Variants in DNAH7 observed in about 807,000 individuals in gnomAD.
DNAH7 encodes the protein axonemal beta dynein heavy chain 7.
In DNAH7, 397 loss-of-function variants were observed where a neutral mutation model predicts 444.6. The ratio of observed to expected loss-of-function variants is 0.89; its 90% CI spans 0.82 to 0.97. DNAH7 has a LOEUF of 0.97. DNAH7 is among the 50% of genes least tolerant of loss of function. The pLI, the probability that DNAH7 is intolerant of heterozygous loss-of-function variation, is 0.00. For synonymous variants in DNAH7, 1,636 were observed against 1,624.4 expected (o/e 1.01, Z -0.17); for missense variants, 4,902 against 4,800.8 (o/e 1.02, Z -0.62).
intron 17 of DNAH7, among the ~76,000 whole-genome samples, chr2:195,963,688 TC>T (rs1429449282): frequency 5.3e-5 from 8 of 152,226 alleles, no homozygotes; most frequent in African/African-American, 1.7e-4. Flanking sequence ...TTTTGCCCAG[TC>T]CAAATTCCTG....
chr2:195,818,527 A>G (rs1697325317), intron 49 of DNAH7, among the ~76,000 whole-genome samples: 1 of 152,152 alleles, frequency 6.6e-6, no homozygotes, highest in Admixed American at 6.5e-5. Context: ...TTTTTAAAAA[A>G]AGCAAACAAC....
chr2:196,025,890 C>T (rs747613245), intron 7 of DNAH7, among the ~76,000 whole-genome samples: 3 of 152,032 alleles, frequency 2.0e-5, no homozygotes, highest in Non-Finnish European at 2.9e-5. Flanking sequence ...ACACAGCATC[C>T]GTCATACTAG....
chr2:195,766,723 G>A (rs557188897), intron 61 of DNAH7, among the ~76,000 whole-genome samples: 30 of 152,272 alleles, frequency 2.0e-4, no homozygotes, highest in African/African-American at 7.0e-4. Flanking sequence ...ATCCATGTTT[G>A]AGGTGATCGA....
intron 7 of DNAH7, among the ~76,000 whole-genome samples, chr2:196,025,481 G>C (rs1695626328): frequency 6.6e-6 from 1 of 152,064 alleles, no homozygotes; most frequent in Non-Finnish European, 1.5e-5. Flanking sequence ...TGCACCCTAT[G>C]CTTTGGCTTC....
intron 54 of DNAH7, among the ~76,000 whole-genome samples, chr2:195,800,215 C>T (rs930785156): frequency 2.0e-5 from 3 of 152,132 alleles, no homozygotes; most frequent in African/African-American, 7.2e-5. Flanking sequence ...CTCCCAACAC[C>T]GCCACATTTG....
intron 1 of DNAH7, among the ~76,000 whole-genome samples, chr2:196,061,334 C>A (rs7422929): frequency 0.73 from 110,882 of 151,926 alleles, 40,609 homozygotes; most frequent in East Asian, 0.9. Context: ...TTATCTCCCC[C>A]GTATTAACCT....
intron 64 of DNAH7, among the ~76,000 whole-genome samples, chr2:195,740,369 AGTTAAT>A (rs1478272574): frequency 1.4e-4 from 21 of 152,130 alleles, no homozygotes; most frequent in Admixed American, 7.9e-4. Flanking sequence ...TTTGACCATG[AGTTAAT>A]GTTAATGACT....
chr2:195,986,607 A>AT (rs1270095537), intron 14 of DNAH7, among the ~76,000 whole-genome samples: 1 of 152,120 alleles, frequency 6.6e-6, no homozygotes, highest in East Asian at 1.9e-4. Flanking sequence ...TTTCCCGAAA[A>AT]TCCCTAGGTT....
At chr2:195,755,583 G>T (rs1407109254) in intron 62 of DNAH7, among the ~76,000 whole-genome samples, 1 of 152,192 alleles carries the variant, frequency 6.6e-6, no homozygotes, top group Non-Finnish European at 1.5e-5. Flanking sequence ...TTTTATCCCT[G>T]CAGAAATTTC....
At chr2:195,753,867 A>G (rs1219472250) in intron 63 of DNAH7, among the ~76,000 whole-genome samples, 1 of 152,178 alleles carries the variant, frequency 6.6e-6, no homozygotes, top group Non-Finnish European at 1.5e-5. Flanking sequence ...GAATGACAGG[A>G]AAGAATACAT....
intron 46 of DNAH7, among the ~76,000 whole-genome samples, chr2:195,852,915 CAGAGAGAGAGAG>C (rs201538951): frequency 1.7e-4 from 14 of 84,694 alleles, no homozygotes; most frequent in African/African-American, 4.2e-4. Context: ...CACACACACA[CAGAGAGAGAGAG>C]AGAGAGAGAG....
intron 24 of DNAH7, among the ~76,000 whole-genome samples, chr2:195,915,372 G>A (rs531888270): frequency 2.0e-5 from 3 of 152,284 alleles, no homozygotes; most frequent in African/African-American, 7.2e-5. Flanking sequence ...TGTGTGCACA[G>A]GTAGTGAGTG....
chr2:195,846,896 A>G (rs1050392852), intron 46 of DNAH7, among the ~76,000 whole-genome samples: 4 of 151,026 alleles, frequency 2.6e-5, no homozygotes, highest in African/African-American at 9.8e-5. Flanking sequence ...CAGATGGCCT[A>G]TTGTGGGACC....
intron 46 of DNAH7, among the ~76,000 whole-genome samples, chr2:195,850,797 G>C (rs533886584): frequency 6.6e-6 from 1 of 152,112 alleles, no homozygotes; most frequent in African/African-American, 2.4e-5. Flanking sequence ...GATGCAGGGG[G>C]AAGCAGGACA....
chr2:195,963,050 T>C (rs1012912475), intron 17 of DNAH7, among the ~76,000 whole-genome samples: 3 of 152,242 alleles, frequency 2.0e-5, no homozygotes, highest in Non-Finnish European at 4.4e-5. Context: ...ATCTTGGCTA[T>C]TGTGAACAGT....
At chr2:195,921,030 TGAA>T (rs1687988741) in intron 24 of DNAH7, among the ~76,000 whole-genome samples, 1 of 152,176 alleles carries the variant, frequency 6.6e-6, no homozygotes, top group South Asian at 2.1e-4. Context: ...ACTTTATTCC[TGAA>T]GAATGGTCAT....
intron 19 of DNAH7, among the ~76,000 whole-genome samples, chr2:195,956,294 G>T (rs1357283364): frequency 6.6e-6 from 1 of 152,032 alleles, no homozygotes; most frequent in African/African-American, 2.4e-5. Flanking sequence ...TTAATGATAT[G>T]ATTTAATAAC....
At chr2:195,983,303 G>A (rs961993435) in intron 15 of DNAH7, among the ~76,000 whole-genome samples, 9 of 152,160 alleles carry the variant, frequency 5.9e-5, no homozygotes, top group Admixed American at 3.9e-4. Context: ...CTATGAAGGA[G>A]TACCTGAGGC....
chr2:195,816,740 G>A lies in DNAH7; in HGVS notation c.9649C>T (p.Leu3217Phe), dbSNP rs542436223. The change falls in exon 51 of 65, where the codon CTT becomes TTT. Residue 3217 changes from leucine to phenylalanine, a missense_variant. By Grantham distance (22) the Leu-to-Phe change is conservative (BLOSUM62 0). Coordinates refer to ENST00000312428, the MANE Select transcript of DNAH7 (RefSeq NM_018897.3). ...AIHSSILFFS[L>F]ADLANIEPMY... is the part of the protein sequence containing the mutation. Reference sequence around the variant, plus strand: ...GGCTCAATGTTGGCTAAATCAGCAAGAGAAAAAAATAGGATGGAAGAATGG... The same window carrying A: ...GGCTCAATGTTGGCTAAATCAGCAAAAGAAAAAAATAGGATGGAAGAATGG... The A allele has an allele frequency of 1.9e-6, 3 of 1,614,168 alleles. No individual in the cohort carries two copies. The highest frequency in any genetic ancestry group is 2.2e-5 in the South Asian group (2 of 91,086).
Sources: allele counts gnomAD v4.1 joint callset (sites outside exome capture counted in the v4.1 genomes callset), GRCh38; gene constraint gnomAD v4.1.1; transcripts MANE v1.5; gene names NCBI Gene and HGNC (gene_info 2026-07-23, HGNC 2026-07-21).